CELF2: variants seen among roughly 807,000 people sequenced by gnomAD.
CELF2 encodes CUGBP Elav-like family member 2.
Under a neutral mutation model 62.6 loss-of-function variants are expected in CELF2, and 8 were observed. The ratio of observed to expected loss-of-function variants is 0.13; its 90% CI spans 0.07 to 0.23. The LOEUF (loss-of-function observed/expected upper bound fraction) is 0.23, where lower values mean the gene tolerates loss of function less well. CELF2 is among the 10% of genes least tolerant of loss of function. The pLI is 1.00. For synonymous variants in CELF2, 258 were observed against 250.0 expected (o/e 1.03, Z -0.30); for missense variants, 333 against 671.0 (o/e 0.50, Z 5.56).
At chr10:10,595,789 A>G in the CELF2 span, among the ~76,000 whole-genome samples, 3 of 152,182 alleles carry the variant, frequency 2.0e-5, no homozygotes. Context: ...CCAGCTACTC[A>G]GGAGGCTGAG....
chr10:10,814,233 A>T (rs2056226771), intron 1 of CELF2, among the ~76,000 whole-genome samples: 1 of 149,390 alleles, frequency 6.7e-6, no homozygotes, highest in Non-Finnish European at 1.5e-5. Flanking sequence ...AAAAAAAAAA[A>T]AAAAAAAGCT....
chr10:10,683,028 T>A, the CELF2 span, among the ~76,000 whole-genome samples: 1 of 152,188 alleles, frequency 6.6e-6, no homozygotes, highest in African/African-American at 2.4e-5. Context: ...AGATCACACT[T>A]GCTTTCTCTT....
rs1205420151 is a variant in CELF2, at chr10:11,255,499, C to G, written c.404-2239C>G. Among the ~76,000 whole-genome samples, 4 of 152,204 alleles carry G rather than the reference C, an allele frequency of 2.6e-5. No homozygotes were observed. Among genetic ancestry groups the G allele is most frequent in the African/African-American group, 9.6e-5 (4 of 41,454 alleles). The stretch of plus-strand genomic sequence containing the variant: ...CCACCTCCAGTCTCTCCAGACCCTT[C>G]GTCCAGCTTCAATTCCACATCCCCC... On this transcript the variant is annotated intron_variant, in intron 4 of 12. Transcript: ENST00000633077. This position sits in a 1 kb window ranked among gnomAD's most constrained non-coding sequence, Gnocchi z 5.5.
intron 2 of CELF2, among the ~76,000 whole-genome samples, chr10:11,174,354 A>G (rs960970360): frequency 1.3e-5 from 2 of 152,220 alleles, no homozygotes; most frequent in Non-Finnish European, 2.9e-5. Flanking sequence ...TGGTAAAGCC[A>G]ATGGGTCAGA....
chr10:10,851,455 G>A (rs998807085), intron 1 of CELF2, among the ~76,000 whole-genome samples: 4 of 152,036 alleles, frequency 2.6e-5, no homozygotes, highest in Non-Finnish European at 4.4e-5. Context: ...CAAGGTTGCC[G>A]ACCTCAATAT....
the CELF2 span, among the ~76,000 whole-genome samples, chr10:10,735,363 C>T: frequency 6.6e-6 from 1 of 152,120 alleles, no homozygotes; most frequent in Non-Finnish European, 1.5e-5. Context: ...ATTTCGTGGG[C>T]TATTTCAAGG....
the CELF2 span, among the ~76,000 whole-genome samples, chr10:10,497,719 G>A: frequency 2.8e-4 from 43 of 152,284 alleles, no homozygotes; most frequent in Admixed American, 1.2e-3. Context: ...TTCCACAAGA[G>A]CAAGGAGGCT....
intron 1 of CELF2, chr10:11,018,855 C>G (rs1296597983): frequency 6.6e-6 from 1 of 152,270 alleles, no homozygotes; most frequent in Non-Finnish European, 1.5e-5. Context: ...TGCAAAGATC[C>G]TTTCCTAAGG....
chr10:11,134,674 T>A (rs1269702579), intron 1 of CELF2, among the ~76,000 whole-genome samples: 1 of 152,174 alleles, frequency 6.6e-6, no homozygotes, highest in East Asian at 1.9e-4. Context: ...TTCAGTAAGT[T>A]CCTGCTGAGT....
At chr10:10,694,862 T>C in the CELF2 span, among the ~76,000 whole-genome samples, 2 of 151,658 alleles carry the variant, frequency 1.3e-5, no homozygotes, top group East Asian at 1.9e-4. Flanking sequence ...TTCCATTTGC[T>C]TGGTAGATCT....
chr10:11,184,910 T>C (rs1322036686), intron 2 of CELF2, among the ~76,000 whole-genome samples: 1 of 151,922 alleles, frequency 6.6e-6, no homozygotes, highest in African/African-American at 2.4e-5. Context: ...ACGTCCACTA[T>C]GGAGGTGAAT....
intron 2 of CELF2, among the ~76,000 whole-genome samples, chr10:10,973,366 G>T (rs1339141425): frequency 1.3e-5 from 2 of 152,050 alleles, no homozygotes; most frequent in African/African-American, 4.8e-5. Context: ...AGCACCCCAC[G>T]CCTGACATCC....
At chr10:11,245,918 G>C (rs2075455636) in intron 3 of CELF2, among the ~76,000 whole-genome samples, 1 of 152,176 alleles carries the variant, frequency 6.6e-6, no homozygotes, top group Non-Finnish European at 1.5e-5. Flanking sequence ...GGCATCACCA[G>C]ATTAAGAGTG....
At chr10:10,849,221 A>C (rs1261068192) in intron 1 of CELF2, among the ~76,000 whole-genome samples, 1 of 148,042 alleles carries the variant, frequency 6.8e-6, no homozygotes, top group Admixed American at 6.8e-5. Flanking sequence ...AAATAGTGAA[A>C]CCCTATCTCT....
At chr10:10,816,200 A>G (rs1051643995) in intron 1 of CELF2, among the ~76,000 whole-genome samples, 1 of 152,196 alleles carries the variant, frequency 6.6e-6, no homozygotes, top group South Asian at 2.1e-4. Flanking sequence ...GACAAGAGAC[A>G]AATAAGCCAG....
intron 8 of CELF2, among the ~76,000 whole-genome samples, chr10:11,278,015 T>C (rs2086783665): frequency 6.6e-6 from 1 of 152,216 alleles, no homozygotes; most frequent in Non-Finnish European, 1.5e-5. Flanking sequence ...TGTGAACAAC[T>C]CTGAAAACAT....
intron 1 of CELF2, among the ~76,000 whole-genome samples, chr10:10,887,429 G>A (rs910800635): frequency 4.6e-5 from 7 of 152,202 alleles, no homozygotes; most frequent in South Asian, 4.1e-4. Flanking sequence ...TCAGGCAGGC[G>A]TTTCAGCGCA....
chr10:10,617,504 G>A, the CELF2 span, among the ~76,000 whole-genome samples: 3 of 152,262 alleles, frequency 2.0e-5, no homozygotes, highest in African/African-American at 7.2e-5. Context: ...CTAGATACTG[G>A]ATTGGAAAGA....
the CELF2 span, among the ~76,000 whole-genome samples, chr10:10,708,000 CAACTTCAGAG>C: frequency 6.6e-6 from 1 of 152,052 alleles, no homozygotes; most frequent in African/African-American, 2.4e-5. Flanking sequence ...TAAAATGGAA[CAACTTCAGAG>C]AACGGTGACA....
Sources: gnomAD v4.1 joint callset for allele counts (sites outside exome capture counted in the v4.1 genomes callset) on GRCh38, gnomAD v4.1.1 for gene constraint, Gnocchi (gnomAD v3.1) non-coding constraint, MANE v1.5 for transcripts, NCBI Gene and HGNC (gene_info 2026-07-23, HGNC 2026-07-21) for gene names.